Variants in EYS observed in about 807,000 individuals in gnomAD.
EYS encodes EGF-like photoreceptor maintenance factor.
A neutral mutation model predicts 282.1 loss-of-function variants in EYS; 250 were observed. The observed-to-expected ratio is 0.89, with a 90% CI of 0.80 to 0.98. EYS has a LOEUF of 0.98. Among genes scored for constraint, EYS ranks in the 50% least tolerant of loss-of-function variants. EYS has a pLI of 0.00. For missense variants in EYS, 4,016 were observed against 3,709.0 expected (o/e 1.08, Z -2.15); for synonymous variants, 1,355 against 1,282.9 (o/e 1.06, Z -1.20).
chr6:64,535,700 G>A (rs935772138), intron 26 of EYS, among the ~76,000 whole-genome samples: 9 of 151,674 alleles, frequency 5.9e-5, no homozygotes, highest in African/African-American at 9.7e-5. Context: ...GATTGTGCCC[G>A]CTGCTCTTCA....
intron 21 of EYS, 49 bp from the exon 22 acceptor site, chr6:64,813,626 C>A: frequency 1.8e-6 from 2 of 1,105,820 alleles, no homozygotes; most frequent in Non-Finnish European, 2.5e-6. Context: ...ATAAGGTTGA[C>A]CATTTTAATA....
intron 12 of EYS, among the ~76,000 whole-genome samples, chr6:65,063,737 T>A (rs1040420808): frequency 2.6e-5 from 4 of 152,140 alleles, no homozygotes; most frequent in Non-Finnish European, 5.9e-5. Flanking sequence ...TTATTCAAAT[T>A]TTTTTCTTCC....
At chr6:64,264,264 A>G (rs144227487) in intron 30 of EYS, among the ~76,000 whole-genome samples, 4 of 152,256 alleles carry the variant, frequency 2.6e-5, no homozygotes, top group East Asian at 3.9e-4. Flanking sequence ...TTAACTCACA[A>G]TTCGGCAGGT....
At chr6:64,023,785 G>A (rs1195458923) in intron 33 of EYS, among the ~76,000 whole-genome samples, 2 of 152,212 alleles carry the variant, frequency 1.3e-5, no homozygotes, top group Non-Finnish European at 2.9e-5. Context: ...AGGGACAGGC[G>A]CGGGTGGGAA....
intron 29 of EYS, among the ~76,000 whole-genome samples, chr6:64,387,340 T>G (rs1333700614): frequency 6.6e-6 from 1 of 152,162 alleles, no homozygotes; most frequent in Admixed American, 6.5e-5. Flanking sequence ...ATGTTTATAT[T>G]TATAATAAAG....
intron 35 of EYS, among the ~76,000 whole-genome samples, chr6:63,889,221 A>G (rs1459237703): frequency 6.6e-6 from 1 of 152,212 alleles, no homozygotes; most frequent in African/African-American, 2.4e-5. Flanking sequence ...ACACTTCAGA[A>G]TATTATCCAG....
intron 11 of EYS, among the ~76,000 whole-genome samples, chr6:65,300,420 T>C (rs1380246389): frequency 6.6e-6 from 1 of 152,206 alleles, no homozygotes; most frequent in Non-Finnish European, 1.5e-5. Flanking sequence ...ATCTGAAAAC[T>C]ATTTTTTTCT....
chr6:64,689,955 A>T (rs943841475), intron 22 of EYS, among the ~76,000 whole-genome samples: 12 of 152,186 alleles, frequency 7.9e-5, no homozygotes, highest in African/African-American at 2.7e-4. Flanking sequence ...AGCAATGGCA[A>T]CAGAAGCCAA....
intron 22 of EYS, among the ~76,000 whole-genome samples, chr6:64,724,840 T>C (rs1771699488): frequency 2.6e-5 from 4 of 152,114 alleles, no homozygotes; most frequent in Admixed American, 2.0e-4. Context: ...ATATACCACT[T>C]TTAAGAAAAA....
Position 64,380,919 on chromosome 6 carries a change from G to A in EYS, c.6078+7771C>T, listed in dbSNP as rs566087214. 2.0e-5 allele frequency among the ~76,000 whole-genome samples: 3 copies of A among 151,958 alleles called. No homozygotes were observed. In the South Asian group the frequency reaches 6.2e-4, roughly 32 times the overall value. On this transcript the variant is annotated intron_variant, in intron 29 of 42. Coordinates refer to ENST00000503581, the MANE Select transcript of EYS (RefSeq NM_001142800.2). ...AATCCCAGCCACTCAGGAGGCTGAG[G>A]CAGGAGAATTGCTTGAACCCGGGAG...
chr6:64,351,320 T>C (rs1296852427), intron 29 of EYS, among the ~76,000 whole-genome samples: 1 of 151,516 alleles, frequency 6.6e-6, no homozygotes, highest in Non-Finnish European at 1.5e-5. Context: ...GTAGCAAACA[T>C]GGAAAGAATT....
chr6:65,680,328 T>C (rs2149838005), intron 1 of EYS, among the ~76,000 whole-genome samples: 1 of 152,036 alleles, frequency 6.6e-6, no homozygotes, highest in Admixed American at 6.6e-5. Context: ...CCAACCACTT[T>C]CAACATTACA....
At chr6:65,577,738 A>C (rs2127357844) in intron 2 of EYS, among the ~76,000 whole-genome samples, 1 of 123,712 alleles carries the variant, frequency 8.1e-6, no homozygotes. Context: ...TAATAATAAT[A>C]AAAGCCTGTT....
intron 2 of EYS, among the ~76,000 whole-genome samples, chr6:65,636,353 C>T (rs1453138998): frequency 6.6e-6 from 1 of 152,194 alleles, no homozygotes; most frequent in Non-Finnish European, 1.5e-5. Context: ...CATTCATTGT[C>T]CTCTGGCTAC....
chr6:65,197,817 C>A (rs540299732), intron 12 of EYS, among the ~76,000 whole-genome samples: 2 of 152,098 alleles, frequency 1.3e-5, no homozygotes, highest in African/African-American at 4.8e-5. Flanking sequence ...ATGGAGCTTG[C>A]AAGACTGGAA....
chr6:64,815,173 C>G (rs1324435879), intron 21 of EYS: 1 of 432,424 alleles, frequency 2.3e-6, no homozygotes, highest in East Asian at 7.4e-5. Flanking sequence ...AGTGATAGAA[C>G]TAAGTATGTT....
chr6:64,477,625 T>C (rs73455416), intron 26 of EYS, among the ~76,000 whole-genome samples: 1 of 152,116 alleles, frequency 6.6e-6, no homozygotes, highest in South Asian at 2.1e-4. Flanking sequence ...GTATCTTCAA[T>C]CTTCTGCTTA....
At chr6:64,415,780 T>C (rs1332881007) in intron 28 of EYS, among the ~76,000 whole-genome samples, 1 of 152,190 alleles carries the variant, frequency 6.6e-6, no homozygotes, top group African/African-American at 2.4e-5. Context: ...ATGTTTTTAA[T>C]TGCACTTTAG....
intron 12 of EYS, among the ~76,000 whole-genome samples, chr6:65,262,681 A>G (rs1767651271): frequency 6.6e-6 from 1 of 152,172 alleles, no homozygotes; most frequent in African/African-American, 2.4e-5. Context: ...TTTATGTATT[A>G]GTTTTTCAAC....
Sources: allele counts gnomAD v4.1 joint callset (sites outside exome capture counted in the v4.1 genomes callset), GRCh38; gene constraint gnomAD v4.1.1; transcripts MANE v1.5; gene names NCBI Gene and HGNC (gene_info 2026-07-23, HGNC 2026-07-21).